ACCSL: variants seen among roughly 807,000 people sequenced by gnomAD.
ACCSL encodes the protein probable inactive 1-aminocyclopropane-1-carboxylate synthase-like protein 2.
ACCSL carries 55 observed loss-of-function variants against 61.7 expected under a neutral mutation model. That is an observed-to-expected ratio of 0.89 (90% CI 0.72 to 1.12). The LOEUF is 1.12. ACCSL is among the 50% of genes most tolerant of loss of function. The probability of loss-of-function intolerance (pLI) is 0.00; values close to 1 mark genes in which losing one functional copy is unlikely to be tolerated. For synonymous variants in ACCSL, 258 were observed against 264.3 expected (o/e 0.98, Z 0.23); for missense variants, 632 against 698.0 (o/e 0.91, Z 1.07).
At chr11:44,043,885 C>T (rs1384523161), upstream of ACCSL, among the ~76,000 whole-genome samples, 1 of 151,938 alleles carries the variant, frequency 6.6e-6, no homozygotes, top group Non-Finnish European at 1.5e-5. Context: ...ATTTTCTTTC[C>T]ATTTTTAAAC....
the ACCSL span, among the ~76,000 whole-genome samples, chr11:43,960,045 C>T: frequency 6.6e-6 from 1 of 152,172 alleles, no homozygotes; most frequent in South Asian, 2.1e-4. Flanking sequence ...TTTAGGTAAA[C>T]TCTGACCTCC....
upstream of ACCSL, among the ~76,000 whole-genome samples, chr11:44,044,950 C>A (rs1952590076): frequency 6.6e-6 from 1 of 152,082 alleles, no homozygotes; most frequent in Non-Finnish European, 1.5e-5. Flanking sequence ...AATGGTATAG[C>A]CAAGGAGACT....
chr11:43,966,813 G>A, the ACCSL span, among the ~76,000 whole-genome samples: 1 of 152,062 alleles, frequency 6.6e-6, no homozygotes, highest in Admixed American at 6.5e-5. Flanking sequence ...ACTGTTCTAG[G>A]ACAACTTTCC....
the ACCSL span, among the ~76,000 whole-genome samples, chr11:43,949,471 C>G: frequency 6.6e-6 from 1 of 152,266 alleles, no homozygotes; most frequent in East Asian, 1.9e-4. Context: ...CTATGTCAGG[C>G]AAACCTGCCT....
At position 44,051,381 on chromosome 11, in the gene ACCSL, C is replaced by T; in HGVS notation, c.682C>T (p.Pro228Ser). The T allele has an allele frequency of 6.2e-7, 1 of 1,614,168 alleles. No homozygotes were observed. Among genetic ancestry groups the T allele is most frequent in the Non-Finnish European group, 8.5e-7 (1 of 1,180,046 alleles). The change falls in exon 4 of 14, where the codon CCT becomes TCT. Residue 228 changes from proline (P) to serine (S), a missense_variant. By Grantham distance (74) the Pro-to-Ser change is moderately conservative. Transcript: ENST00000378832. ...ARFLTYYCRA[P>S]TRLDPENVVV... Reference sequence around the variant, plus strand: ...GTTCCTGACCTACTACTGCAGGGCACCTACCCGACTTGACCCAGAAAATGT... The same window carrying T: ...GTTCCTGACCTACTACTGCAGGGCATCTACCCGACTTGACCCAGAAAATGT...
the ACCSL span, chr11:43,943,219 C>T: frequency 6.5e-7 from 1 of 1,528,422 alleles, no homozygotes; most frequent in Non-Finnish European, 8.8e-7. This position sits in a 1 kb window ranked among gnomAD's most constrained non-coding sequence, Gnocchi z 4.8. Flanking sequence ...AGCAGCTCAG[C>T]AGCTGCAAAC....
the ACCSL span, among the ~76,000 whole-genome samples, chr11:43,958,302 C>G: frequency 8.5e-5 from 13 of 152,290 alleles, no homozygotes; most frequent in Admixed American, 5.2e-4. Flanking sequence ...TTCTCACAAC[C>G]AGATGGCCCC....
At chr11:44,052,963 C>T in intron 6 of ACCSL, 28 bp from the exon 7 acceptor site, 1 of 1,597,738 alleles carries the variant, frequency 6.3e-7, no homozygotes, top group Non-Finnish European at 8.6e-7. Flanking sequence ...TTTTAAGAGA[C>T]ACTTCTCACA....
At chr11:44,037,144 C>T in the ACCSL span, among the ~76,000 whole-genome samples, 2 of 152,214 alleles carry the variant, frequency 1.3e-5, no homozygotes, top group Admixed American at 6.5e-5. Flanking sequence ...AACCTACAGG[C>T]CTTCTAAATT....
chr11:44,030,343 T>C, the ACCSL span, among the ~76,000 whole-genome samples: 17 of 151,294 alleles, frequency 1.1e-4, no homozygotes, highest in South Asian at 2.9e-3. Context: ...AGAGCCCCAC[T>C]CTCCCTCCTG....
the ACCSL span, among the ~76,000 whole-genome samples, chr11:43,951,484 G>A: frequency 1.3e-5 from 2 of 152,218 alleles, no homozygotes; most frequent in South Asian, 2.1e-4. Context: ...CTGGGGAGAA[G>A]ACATCTTTGG....
At chr11:44,021,086 A>G in the ACCSL span, among the ~76,000 whole-genome samples, 2 of 152,136 alleles carry the variant, frequency 1.3e-5, no homozygotes, top group Non-Finnish European at 2.9e-5. Context: ...GTGCTGCTAT[A>G]AACATGTGTG....
At chr11:44,019,266 A>G in the ACCSL span, among the ~76,000 whole-genome samples, 26 of 152,316 alleles carry the variant, frequency 1.7e-4, no homozygotes, top group African/African-American at 5.8e-4. Context: ...GCCTGCACAT[A>G]TGTTTCAAAT....
At chr11:43,940,389 T>C in the ACCSL span, among the ~76,000 whole-genome samples, 7 of 150,908 alleles carry the variant, frequency 4.6e-5, no homozygotes, top group Non-Finnish European at 8.8e-5. Flanking sequence ...GGAGTCTTGC[T>C]CCATTGCCCA....
chr11:44,053,595 G>A, intron 8 of ACCSL, 89 bp downstream of exon 8: 1 of 1,225,450 alleles, frequency 8.2e-7, no homozygotes, highest in Non-Finnish European at 1.2e-6. Flanking sequence ...AGATCTGGTG[G>A]CACATGCCTG....
At chr11:43,943,288 G>A in the ACCSL span, 1 of 1,472,858 alleles carries the variant, frequency 6.8e-7, no homozygotes, top group Non-Finnish European at 9.0e-7. This position sits in a 1 kb window ranked among gnomAD's most constrained non-coding sequence, Gnocchi z 4.8. Context: ...CGCCGCCCGC[G>A]GGGGGGACGC....
At position 44,048,295 on chromosome 11, in the gene ACCSL, G is replaced by A. The variant is rs371000393; in HGVS notation, c.259G>A (p.Ala87Thr). ...GATCAACCTCCTACAGTCTGGGGCC[G>A]CGAGTGGCCTGGAGCTCCAAGTGCC... ...RMINLLQSGA[A>T]SGLELQVPLP... Residue 87 changes from alanine (A) to threonine (T), a missense_variant, in exon 1 of 14, where the codon GCG becomes ACG. Coordinates refer to ENST00000378832, the MANE Select transcript of ACCSL (RefSeq NM_001031854.2). 8.7e-5 allele frequency: 141 copies of A among 1,614,094 alleles called. 1 individual carries two copies. Among genetic ancestry groups the A allele is most frequent in the African/African-American group, 6.5e-4 (49 of 75,040 alleles).
chr11:44,010,830 G>C, the ACCSL span, among the ~76,000 whole-genome samples: 1 of 152,146 alleles, frequency 6.6e-6, no homozygotes, highest in Non-Finnish European at 1.5e-5. Flanking sequence ...TAACTGAGTC[G>C]GGTCTTGCTG....
At chr11:43,932,703 C>G in the ACCSL span, among the ~76,000 whole-genome samples, 1 of 152,192 alleles carries the variant, frequency 6.6e-6, no homozygotes, top group African/African-American at 2.4e-5. Flanking sequence ...TCCTCAGCAC[C>G]CACAGCACTT....
Sources: allele counts gnomAD v4.1 joint callset (sites outside exome capture counted in the v4.1 genomes callset), GRCh38; gene constraint gnomAD v4.1.1; non-coding constraint Gnocchi (gnomAD v3.1); transcripts MANE v1.5; gene names NCBI Gene and HGNC (gene_info 2026-07-23, HGNC 2026-07-21).